Variants in DAB1 observed in about 807,000 individuals in gnomAD.
The protein encoded by DAB1 is DAB adaptor protein 1, also known as disabled homolog 1.
Under a neutral mutation model 64.6 loss-of-function variants are expected in DAB1, and 15 were observed. The observed-to-expected ratio is 0.23, with a 90% CI of 0.16 to 0.36. The LOEUF is 0.36. DAB1 is among the 10% of genes least tolerant of loss of function. DAB1 has a pLI of 1.00. For missense variants in DAB1, 596 were observed against 706.7 expected, an observed-to-expected ratio of 0.84 and a Z score of 1.78; for synonymous variants, 235 against 251.9, an observed-to-expected ratio of 0.93 and a Z score of 0.64.
chr1:58,542,918 G>T (rs1338298240), intron 1 of DAB1, among the ~76,000 whole-genome samples: 2 of 152,102 alleles, frequency 1.3e-5, no homozygotes, highest in African/African-American at 4.8e-5. Flanking sequence ...GCATGTGTAA[G>T]TTGGGTCTAC....
chr1:57,361,750 A>G (rs1379386271), intron 1 of DAB1, among the ~76,000 whole-genome samples: 1 of 152,158 alleles, frequency 6.6e-6, no homozygotes, highest in African/African-American at 2.4e-5. Flanking sequence ...TTCTGGCATG[A>G]GCAGACTTTT....
intron 7 of DAB1, among the ~76,000 whole-genome samples, chr1:57,472,865 A>G (rs188515092): frequency 4.5e-4 from 69 of 152,208 alleles, no homozygotes; most frequent in African/African-American, 1.6e-3. Flanking sequence ...CCATACCTTT[A>G]TATTTATGGT....
intron 2 of DAB1, among the ~76,000 whole-genome samples, chr1:57,177,955 G>T (rs1283767774): frequency 6.6e-6 from 1 of 151,936 alleles, no homozygotes; most frequent in African/African-American, 2.4e-5. Flanking sequence ...CTCCCTTCAG[G>T]TTTTGTGTGT....
At chr1:57,400,552 CTTT>C (rs60734651) in intron 1 of DAB1, among the ~76,000 whole-genome samples, 5 of 137,510 alleles carry the variant, frequency 3.6e-5, no homozygotes, top group Admixed American at 1.5e-4. Flanking sequence ...CAGTATCAGT[CTTT>C]TTTTTTTTTT....
intron 3 of DAB1, among the ~76,000 whole-genome samples, chr1:57,144,616 C>A (rs1335537778): frequency 6.6e-6 from 1 of 151,736 alleles, no homozygotes; most frequent in Non-Finnish European, 1.5e-5. Context: ...ATTGCTTGAA[C>A]CCAGGAGGCG....
chr1:57,599,050 C>T (rs1645545217), intron 7 of DAB1, among the ~76,000 whole-genome samples: 1 of 149,130 alleles, frequency 6.7e-6, no homozygotes, highest in African/African-American at 2.6e-5. Flanking sequence ...TTTTCTGCAC[C>T]CCTCTAGCCT....
chr1:57,709,899 C>CT lies in DAB1; in HGVS notation n.552-60235dup, dbSNP rs1647008370. 3.9e-5 allele frequency among the ~76,000 whole-genome samples: 6 copies of CT among 152,224 alleles called. No homozygotes were observed. In the South Asian group the frequency reaches 1.2e-3, roughly 32 times the overall value. On this transcript the variant is annotated intron_variant and non_coding_transcript_variant, in intron 6 of 20. Coordinates refer to the DAB1 transcript ENST00000485760. ...AACATACCTAGCTTCCAGGTAGCCC[C>CT]TTTTTATTGGCACGGCTGCTGGCAT...
At chr1:58,182,581 G>C (rs939896225) in intron 4 of DAB1, among the ~76,000 whole-genome samples, 5 of 151,848 alleles carry the variant, frequency 3.3e-5, no homozygotes, top group African/African-American at 1.2e-4. Context: ...TGAGCCCCTT[G>C]AGTAAATTTT....
intron 1 of DAB1, among the ~76,000 whole-genome samples, chr1:58,544,053 A>G (rs187083758): frequency 1.1e-4 from 16 of 152,368 alleles, no homozygotes; most frequent in African/African-American, 3.8e-4. Flanking sequence ...ATGTGAATGC[A>G]GATTCATGAC....
chr1:57,371,241 T>C (rs1225928525), intron 1 of DAB1, among the ~76,000 whole-genome samples: 1 of 152,198 alleles, frequency 6.6e-6, no homozygotes, highest in Non-Finnish European at 1.5e-5. Context: ...AAATAGACCT[T>C]GCAGGGTGGC....
At chr1:58,361,060 T>C (rs1226965992) in intron 3 of DAB1, among the ~76,000 whole-genome samples, 1 of 152,198 alleles carries the variant, frequency 6.6e-6, no homozygotes, top group Non-Finnish European at 1.5e-5. Context: ...ACATAATGAA[T>C]GCCCATGAAC....
intron 5 of DAB1, among the ~76,000 whole-genome samples, chr1:57,921,807 A>G (rs1237186220): frequency 6.6e-6 from 1 of 152,068 alleles, no homozygotes; most frequent in Non-Finnish European, 1.5e-5. Context: ...TATCTAACGC[A>G]GTAACAAAAC....
intron 4 of DAB1, among the ~76,000 whole-genome samples, chr1:58,180,273 TTTC>T (rs1402384049): frequency 1.5e-5 from 2 of 136,606 alleles, no homozygotes; most frequent in Non-Finnish European, 3.1e-5. Context: ...TTTTCTTTTT[TTTC>T]TTTTCTTTTT....
chr1:57,608,527 C>A (rs1326904726), intron 7 of DAB1, among the ~76,000 whole-genome samples: 1 of 152,180 alleles, frequency 6.6e-6, no homozygotes, highest in Non-Finnish European at 1.5e-5. Context: ...TAAAAACCTG[C>A]ACTTATCAAT....
At chr1:57,431,141 A>AACACAC (rs1361731681) in intron 7 of DAB1, among the ~76,000 whole-genome samples, 3 of 149,592 alleles carry the variant, frequency 2.0e-5, no homozygotes, top group South Asian at 4.3e-4. Context: ...TCAGGCCAAA[A>AACACAC]ACAAAAAAAA....
intron 6 of DAB1, among the ~76,000 whole-genome samples, chr1:57,810,067 C>A (rs1651545691): frequency 6.6e-6 from 1 of 152,182 alleles, no homozygotes; most frequent in African/African-American, 2.4e-5. Flanking sequence ...GAGTTTCCAA[C>A]TCAGTTGCCA....
At chr1:57,373,835 G>A (rs768337187) in intron 1 of DAB1, among the ~76,000 whole-genome samples, 13 of 152,122 alleles carry the variant, frequency 8.5e-5, no homozygotes, top group East Asian at 1.9e-4. Flanking sequence ...ATCTTTTCCC[G>A]TTGCAAATTA....
At chr1:58,221,137 C>T (rs778431239) in intron 4 of DAB1, among the ~76,000 whole-genome samples, 3 of 151,954 alleles carry the variant, frequency 2.0e-5, no homozygotes, top group African/African-American at 4.8e-5. Context: ...CACACATGCA[C>T]ATCCATATAC....
At chr1:58,313,399 G>A (rs1340079052) in intron 4 of DAB1, among the ~76,000 whole-genome samples, 1 of 152,114 alleles carries the variant, frequency 6.6e-6, no homozygotes, top group Non-Finnish European at 1.5e-5. Flanking sequence ...CAGACCTGTG[G>A]CTGACAGATG....
Sources: gnomAD v4.1 joint callset for allele counts (sites outside exome capture counted in the v4.1 genomes callset) on GRCh38, gnomAD v4.1.1 for gene constraint, MANE v1.5 for transcripts, NCBI Gene and HGNC (gene_info 2026-07-23, HGNC 2026-07-21) for gene names.